Variants in MEIS1 observed in about 807,000 individuals in gnomAD.
MEIS1 encodes the protein homeobox protein Meis1.
A neutral mutation model predicts 50.8 loss-of-function variants in MEIS1; 5 were observed. The observed-to-expected ratio is 0.10, with a 90% CI of 0.05 to 0.21. The LOEUF is 0.21. MEIS1 is among the 10% of genes least tolerant of loss of function. The pLI is 1.00. For synonymous variants in MEIS1, 176 were observed against 179.3 expected (o/e 0.98, Z 0.15); for missense variants, 318 against 517.3 (o/e 0.61, Z 3.74).
chr2:66,512,965 G>A (rs1673870383), intron 8 of MEIS1, among the ~76,000 whole-genome samples: 1 of 152,180 alleles, frequency 6.6e-6, no homozygotes, highest in Non-Finnish European at 1.5e-5. Context: ...TCCTGGAGAT[G>A]TGAGAAACTG....
At chr2:66,530,530 C>T (rs540637029) in intron 8 of MEIS1, among the ~76,000 whole-genome samples, 31 of 152,148 alleles carry the variant, frequency 2.0e-4, no homozygotes, top group Admixed American at 8.5e-4. Context: ...CTGGCTAACA[C>T]GGTGAAACCC....
intron 7 of MEIS1, among the ~76,000 whole-genome samples, chr2:66,502,143 A>T (rs1673572004): frequency 6.6e-6 from 1 of 152,212 alleles, no homozygotes. Context: ...TAGATCTCTT[A>T]CTTGTATCTC....
chr2:66,554,423 A>T (rs912236333), intron 9 of MEIS1, among the ~76,000 whole-genome samples: 2 of 152,142 alleles, frequency 1.3e-5, no homozygotes, highest in African/African-American at 2.4e-5. Flanking sequence ...GGGCATAGGG[A>T]TGAGGGGCTG....
chr2:66,530,815 A>G (rs1354164256), intron 8 of MEIS1, among the ~76,000 whole-genome samples: 3 of 152,202 alleles, frequency 2.0e-5, no homozygotes, highest in Admixed American at 6.5e-5. Flanking sequence ...TCAAGATTGC[A>G]TTAAAGGTTT....
At position 66,488,677 on chromosome 2, in the gene MEIS1, CA is replaced by C. The variant is rs1431290048; in HGVS notation, c.743-23465del. On this transcript the variant is annotated intron_variant, in intron 7 of 12. Coordinates refer to ENST00000272369, the MANE Select transcript of MEIS1 (RefSeq NM_002398.3). ...TAGGCGACAAAGCGAGACTCCATCT[CA>C]AAAAAAGAAAAAAATCTATTGGTAA... 3.3e-5 allele frequency among the ~76,000 whole-genome samples: 5 copies of C among 151,684 alleles called. No individual in the cohort carries two copies. In the East Asian group the frequency reaches 9.7e-4, roughly 29 times the overall value.
intron 7 of MEIS1, among the ~76,000 whole-genome samples, chr2:66,510,184 A>G (rs1485425600): frequency 6.6e-6 from 1 of 152,212 alleles, no homozygotes; most frequent in Admixed American, 6.5e-5. Flanking sequence ...GTTATTTTAT[A>G]TGGTAAACTG....
intron 9 of MEIS1, among the ~76,000 whole-genome samples, chr2:66,551,568 G>A (rs1357644676): frequency 1.3e-5 from 2 of 152,008 alleles, no homozygotes; most frequent in Admixed American, 1.3e-4. Flanking sequence ...CCAAGTCTAT[G>A]CCAATAAATT....
At chr2:66,542,719 T>G (rs1674685092) in intron 8 of MEIS1, among the ~76,000 whole-genome samples, 1 of 152,222 alleles carries the variant, frequency 6.6e-6, no homozygotes, top group Non-Finnish European at 1.5e-5. Context: ...ACAGGATTAT[T>G]TTCAAATTTT....
chr2:66,495,080 C>CTTTTTTTTTTTTTTTTTTTTTTTTTT lies in MEIS1; in HGVS notation c.743-17066_743-17041dup, dbSNP rs70943701. 4.4e-5 allele frequency among the ~76,000 whole-genome samples: 4 copies of CTTTTTTTTTTTTTTTTTTTTTTTTTT among 91,492 alleles called. 2 individuals are homozygous for CTTTTTTTTTTTTTTTTTTTTTTTTTT. 60.0% of individuals were successfully genotyped at this position (91,492 alleles called of 152,430 possible). A position where few individuals can be genotyped will look rare whatever the true frequency, so the allele number is the denominator to read the frequency against. On this transcript the variant is annotated intron_variant, in intron 7 of 12. Transcript: ENST00000272369. ...GAATGCCCACTTTCCCTCTTCTGAC[C>CTTTTTTTTTTTTTTTTTTTTTTTTTT]TTTTTTTTTTTTTTTTTTTTTTTTT...
At chr2:66,558,402 A>G (rs1675129428) in intron 9 of MEIS1, among the ~76,000 whole-genome samples, 1 of 152,168 alleles carries the variant, frequency 6.6e-6, no homozygotes, top group African/African-American at 2.4e-5. Flanking sequence ...TTAGATGACC[A>G]TAAGCATTTT....
intron 7 of MEIS1, among the ~76,000 whole-genome samples, chr2:66,491,483 G>C (rs779345641): frequency 6.6e-6 from 1 of 152,168 alleles, no homozygotes; most frequent in East Asian, 1.9e-4. Flanking sequence ...ACCTTAATGG[G>C]TGGGGGCTAC....
At chr2:66,511,619 G>A (rs1188858282) in intron 7 of MEIS1, among the ~76,000 whole-genome samples, 2 of 152,054 alleles carry the variant, frequency 1.3e-5, no homozygotes, top group Non-Finnish European at 2.9e-5. Flanking sequence ...TTTATTTGAA[G>A]CATTCCTATG....
chr2:66,571,512 G>A lies in MEIS1; in HGVS notation c.*304G>A. ...CCCAACAATGAGTGGACAAGTCATG[G>A]ACATTCATGCTCAGTAGCTTAAGGG... is the stretch of plus-strand genomic sequence containing the variant. On this transcript the variant is annotated 3_prime_UTR_variant, in exon 13 of 13. Transcript: ENST00000272369. The A allele has an allele frequency of 6.4e-7, 1 of 1,572,212 alleles. No homozygotes were observed. The highest frequency in any genetic ancestry group is 8.6e-7 in the Non-Finnish European group (1 of 1,159,440).
At chr2:66,458,017 C>G (rs541237150) in intron 6 of MEIS1, among the ~76,000 whole-genome samples, 2 of 152,294 alleles carry the variant, frequency 1.3e-5, no homozygotes, top group South Asian at 4.1e-4. Context: ...CAGGTGCAGA[C>G]TGACTTCGAA....
intron 8 of MEIS1, among the ~76,000 whole-genome samples, chr2:66,527,084 G>T (rs1674270594): frequency 6.6e-6 from 1 of 152,180 alleles, no homozygotes; most frequent in African/African-American, 2.4e-5. Context: ...AAATATACAT[G>T]CATGAAATAG....
At chr2:66,454,781 T>C (rs1672350801) in intron 6 of MEIS1, 1 of 152,102 alleles carries the variant, frequency 6.6e-6, no homozygotes, top group Non-Finnish European at 1.5e-5. Context: ...ATAAAGAGGA[T>C]TTTATAACAT....
At chr2:66,501,849 T>C (rs2103831406) in intron 7 of MEIS1, among the ~76,000 whole-genome samples, 1 of 152,306 alleles carries the variant, frequency 6.6e-6, no homozygotes, top group South Asian at 2.1e-4. Flanking sequence ...TCCCATCCAA[T>C]GCACATTCAC....
chr2:66,508,760 C>T (rs1673747783), intron 7 of MEIS1, among the ~76,000 whole-genome samples: 2 of 152,248 alleles, frequency 1.3e-5, no homozygotes, highest in Admixed American at 1.3e-4. Flanking sequence ...AAACCATTAG[C>T]GGTTGGCTAA....
intron 8 of MEIS1, among the ~76,000 whole-genome samples, chr2:66,527,037 A>G (rs1350719869): frequency 2.6e-5 from 4 of 152,222 alleles, no homozygotes; most frequent in Admixed American, 2.0e-4. Context: ...AAGAGACCGA[A>G]AAAACTGTGG....
Sources: gnomAD v4.1 joint callset for allele counts (sites outside exome capture counted in the v4.1 genomes callset) on GRCh38, gnomAD v4.1.1 for gene constraint, MANE v1.5 for transcripts, NCBI Gene and HGNC (gene_info 2026-07-23, HGNC 2026-07-21) for gene names.